The following ST18 variants were observed in gnomAD, a reference collection of about 807,000 sequenced individuals.
ST18 encodes the protein suppression of tumorigenicity 18 protein.
A neutral mutation model predicts 110.0 loss-of-function variants in ST18; 50 were observed. The ratio of observed to expected loss-of-function variants is 0.45; its 90% CI spans 0.36 to 0.58. The LOEUF (loss-of-function observed/expected upper bound fraction) is 0.58, where lower values mean the gene tolerates loss of function less well. Among genes scored for constraint, ST18 ranks in the 20% least tolerant of loss-of-function variants. ST18 has a pLI of 0.00. For synonymous variants in ST18, 461 were observed against 452.4 expected, an observed-to-expected ratio of 1.02 and a Z score of -0.24; for missense variants, 1,306 against 1,280.1, an observed-to-expected ratio of 1.02 and a Z score of -0.31.
At chr8:52,259,743 A>G (rs1271081993) in intron 2 of ST18, among the ~76,000 whole-genome samples, 1 of 152,168 alleles carries the variant, frequency 6.6e-6, no homozygotes, top group African/African-American at 2.4e-5. Flanking sequence ...ACCATTAGCC[A>G]TTGAGCTAGA....
chr8:52,278,235 T>C (rs1234723124), intron 2 of ST18, among the ~76,000 whole-genome samples: 2 of 152,220 alleles, frequency 1.3e-5, no homozygotes, highest in African/African-American at 4.8e-5. Context: ...TCATACGTTC[T>C]GGGAAAGAGC....
chr8:52,339,711 G>A (rs1007667113), intron 2 of ST18, among the ~76,000 whole-genome samples: 6 of 152,256 alleles, frequency 3.9e-5, no homozygotes, highest in African/African-American at 1.4e-4. Flanking sequence ...GCCAGCCCAA[G>A]GCCACTCCTC....
chr8:52,218,364 TGCAGGTA>T (rs2085198884), intron 5 of ST18, among the ~76,000 whole-genome samples: 1 of 150,814 alleles, frequency 6.6e-6, no homozygotes, highest in Non-Finnish European at 1.5e-5. Context: ...AGATATATCA[TGCAGGTA>T]GCTACTCTTT....
intron 23 of ST18, among the ~76,000 whole-genome samples, chr8:52,124,318 G>A (rs958301151): frequency 6.6e-6 from 1 of 152,044 alleles, no homozygotes; most frequent in Admixed American, 6.6e-5. Flanking sequence ...CGGACTACAG[G>A]TGTGTGCCAC....
chr8:52,374,803 A>T (rs1343339901), intron 2 of ST18, among the ~76,000 whole-genome samples: 1 of 152,124 alleles, frequency 6.6e-6, no homozygotes, highest in Non-Finnish European at 1.5e-5. Flanking sequence ...CTGTTCCTGC[A>T]ATAGTTTGCT....
At chr8:52,391,990 C>G (rs1157423547) in intron 2 of ST18, among the ~76,000 whole-genome samples, 1 of 152,154 alleles carries the variant, frequency 6.6e-6, no homozygotes, top group African/African-American at 2.4e-5. Flanking sequence ...GGGCAATAGT[C>G]CACATGTCTT....
rs961177585 is a variant in ST18 at position 52,234,876 on chromosome 8, A to G, written c.-464-4799T>C. 1.8e-4 allele frequency among the ~76,000 whole-genome samples: 28 copies of G among 152,090 alleles called. 1 individual carries two copies. Among genetic ancestry groups the G allele is most frequent in the African/African-American group, 4.8e-5 (2 of 41,410 alleles). ...AAGTAACTCAGGAATGGAAAACCAA[A>G]CATTATATGTTCTCACATGTAAGTG... On this transcript the variant is annotated intron_variant, in intron 2 of 25. Transcript: ENST00000689386.
chr8:52,310,188 G>A (rs1279767619), intron 2 of ST18, among the ~76,000 whole-genome samples: 1 of 152,150 alleles, frequency 6.6e-6, no homozygotes, highest in Non-Finnish European at 1.5e-5. Context: ...CAGTTTAATG[G>A]GAGTGATGAT....
At chr8:52,266,984 G>A (rs2094892645) in intron 2 of ST18, among the ~76,000 whole-genome samples, 1 of 152,162 alleles carries the variant, frequency 6.6e-6, no homozygotes, top group Non-Finnish European at 1.5e-5. Flanking sequence ...CCTTAAGCTG[G>A]TGAATACAAT....
chr8:52,115,860 C>T (rs2042350226), intron 25 of ST18, among the ~76,000 whole-genome samples: 1 of 151,968 alleles, frequency 6.6e-6, no homozygotes, highest in African/African-American at 2.4e-5. Flanking sequence ...AAGAAAGCAC[C>T]TAGTCCATTG....
intron 2 of ST18, among the ~76,000 whole-genome samples, chr8:52,350,456 C>T (rs1819783523): frequency 6.6e-6 from 1 of 152,084 alleles, no homozygotes; most frequent in African/African-American, 2.4e-5. Flanking sequence ...GGTCATGGCC[C>T]CAAACATCAG....
intron 2 of ST18, chr8:52,294,562 G>C (rs1477660101): frequency 4.6e-5 from 7 of 152,384 alleles, no homozygotes; most frequent in Non-Finnish European, 7.3e-5. Context: ...GAGGAAACTG[G>C]TAGGCAGGGA....
chr8:52,401,226 C>A (rs185021625), intron 2 of ST18, among the ~76,000 whole-genome samples: 16 of 152,174 alleles, frequency 1.1e-4, no homozygotes, highest in Admixed American at 5.2e-4. Context: ...TGTCATTTGA[C>A]ATTTTTCTCT....
chr8:52,191,988 C>G (rs1330622561), intron 8 of ST18, among the ~76,000 whole-genome samples: 1 of 152,098 alleles, frequency 6.6e-6, no homozygotes, highest in Non-Finnish European at 1.5e-5. Context: ...CCAGAGGAGG[C>G]ATTAATCCAC....
intron 2 of ST18, among the ~76,000 whole-genome samples, chr8:52,376,767 T>C (rs191705478): frequency 9.7e-4 from 147 of 152,250 alleles, no homozygotes; most frequent in Non-Finnish European, 1.8e-3. Flanking sequence ...GATGGGGAAG[T>C]CCAGGTGGAA....
At chr8:52,249,962 TCCCCCC>T (rs890049111) in intron 2 of ST18, among the ~76,000 whole-genome samples, 5 of 151,604 alleles carry the variant, frequency 3.3e-5, no homozygotes, top group African/African-American at 1.2e-4. Context: ...TCCTCCTTCC[TCCCCCC>T]GACCCCAGCC....
At chr8:52,123,301 CTAAAGG>C (rs560827422) in intron 23 of ST18, among the ~76,000 whole-genome samples, 91 of 152,240 alleles carry the variant, frequency 6.0e-4, no homozygotes, top group Admixed American at 1.7e-3. Flanking sequence ...ACATAGTATG[CTAAAGG>C]TAAAGCCATA....
At chr8:52,309,572 A>G (rs1589795392) in intron 2 of ST18, among the ~76,000 whole-genome samples, 1 of 150,106 alleles carries the variant, frequency 6.7e-6, no homozygotes, top group East Asian at 1.9e-4. Flanking sequence ...GGAAACTATG[A>G]AATATGAGTA....
chr8:52,167,062 G>C, intron 10 of ST18, 76 bp from the exon 11 acceptor site: 17 of 1,505,452 alleles, frequency 1.1e-5, no homozygotes, highest in Non-Finnish European at 1.5e-5. Context: ...GGCCTTGCAG[G>C]GTGACATTCT....
Sources: gnomAD v4.1 joint callset for allele counts (sites outside exome capture counted in the v4.1 genomes callset) on GRCh38, gnomAD v4.1.1 for gene constraint, MANE v1.5 for transcripts, NCBI Gene and HGNC (gene_info 2026-07-23, HGNC 2026-07-21) for gene names.